The following CSRNP3 variants were observed in gnomAD, a reference collection of about 807,000 sequenced individuals.
The protein encoded by CSRNP3 is cysteine/serine-rich nuclear protein 3.
Under a neutral mutation model 48.0 loss-of-function variants are expected in CSRNP3, and 12 were observed. That is an observed-to-expected ratio of 0.25 (90% CI 0.16 to 0.41). The LOEUF (loss-of-function observed/expected upper bound fraction) is 0.41, where lower values mean the gene tolerates loss of function less well. CSRNP3 is among the 10% of genes least tolerant of loss of function. The probability of loss-of-function intolerance (pLI) is 1.00; values close to 1 mark genes in which losing one functional copy is unlikely to be tolerated. For missense variants in CSRNP3, 580 were observed against 724.4 expected, an observed-to-expected ratio of 0.80 and a Z score of 2.29; for synonymous variants, 263 against 269.7, an observed-to-expected ratio of 0.98 and a Z score of 0.24.
At chr2:165,632,597 A>G (rs1237798954) in intron 4 of CSRNP3, among the ~76,000 whole-genome samples, 1 of 152,206 alleles carries the variant, frequency 6.6e-6, no homozygotes, top group East Asian at 1.9e-4. Flanking sequence ...TTACAGCTTT[A>G]CAGTTACATT....
chr2:165,670,438 G>A (rs1258891474), intron 5 of CSRNP3, among the ~76,000 whole-genome samples: 1 of 152,118 alleles, frequency 6.6e-6, no homozygotes, highest in East Asian at 1.9e-4. Flanking sequence ...AGATTGTTCA[G>A]TACCTGTTAA....
At chr2:165,491,946 A>G (rs1413406191) in intron 1 of CSRNP3, among the ~76,000 whole-genome samples, 1 of 141,030 alleles carries the variant, frequency 7.1e-6, no homozygotes, top group African/African-American at 2.7e-5. Context: ...AACTTAAAGT[A>G]TAATAAAAAA....
At chr2:165,582,871 C>T (rs191264106) in intron 3 of CSRNP3, among the ~76,000 whole-genome samples, 129 of 152,338 alleles carry the variant, frequency 8.5e-4, no homozygotes, top group African/African-American at 2.5e-3. Flanking sequence ...TATAAAGTAA[C>T]TCAGTCCTTT....
At chr2:165,479,982 G>T (rs1036906228) in intron 1 of CSRNP3, among the ~76,000 whole-genome samples, 3 of 151,990 alleles carry the variant, frequency 2.0e-5, no homozygotes, top group African/African-American at 7.2e-5. Flanking sequence ...ACTCTTATCT[G>T]GTCACTCTGG....
At chr2:165,669,050 A>G (rs1573958960) in intron 5 of CSRNP3, among the ~76,000 whole-genome samples, 1 of 152,252 alleles carries the variant, frequency 6.6e-6, no homozygotes, top group East Asian at 1.9e-4. Context: ...GATAATTTAT[A>G]TACAGTATGG....
chr2:165,627,154 C>T (rs924297437), intron 4 of CSRNP3, among the ~76,000 whole-genome samples: 10 of 152,250 alleles, frequency 6.6e-5, no homozygotes, highest in Middle Eastern at 3.4e-3. Flanking sequence ...CTATGGAAAC[C>T]TTGTGGGGAG....
intron 3 of CSRNP3, among the ~76,000 whole-genome samples, chr2:165,558,096 A>G (rs1685183254): frequency 6.6e-6 from 1 of 152,208 alleles, no homozygotes; most frequent in African/African-American, 2.4e-5. Flanking sequence ...GCCACTAACA[A>G]TGTAAAAAGA....
At position 165,651,079 on chromosome 2, in the gene CSRNP3, C is replaced by T. The variant is rs115408460; in HGVS notation, c.149-6682C>T. ...ATGACCAGCTCATTGCTCAAGCATT[C>T]GCTCCAGAGTTGTTGCCCTGTGGTG... On this transcript the variant is annotated intron_variant, in intron 4 of 6. Transcript: ENST00000651982. Among the ~76,000 whole-genome samples, 233 of 152,302 alleles carry T rather than the reference C, an allele frequency of 1.5e-3. 2 individuals are homozygous for T. The highest frequency in any genetic ancestry group is 5.1e-3 in the African/African-American group (214 of 41,566).
chr2:165,544,341 T>A (rs1308947722), intron 3 of CSRNP3, among the ~76,000 whole-genome samples: 1 of 152,100 alleles, frequency 6.6e-6, no homozygotes, highest in East Asian at 1.9e-4. Flanking sequence ...GAAATGGTGA[T>A]TAAGGAGAGT....
chr2:165,664,237 C>T (rs529836354), intron 5 of CSRNP3, among the ~76,000 whole-genome samples: 1 of 152,200 alleles, frequency 6.6e-6, no homozygotes, highest in South Asian at 2.1e-4. Context: ...TTTAGTTTTC[C>T]AGAGACCTTA....
In CSRNP3 at chr2:165,684,693, C is replaced by T. The variant is rs1277826984; in HGVS notation, c.*4940C>T. The T allele has an allele frequency of 6.6e-6, 1 of 152,032 alleles. No homozygotes were observed. The highest frequency in any genetic ancestry group is 2.4e-5 in the African/African-American group (1 of 41,398). The allele number at this position is 152,032 out of a possible 1,614,324, so 9.4% of individuals were successfully genotyped here. A position where few individuals can be genotyped will look rare whatever the true frequency, so the allele number is the denominator to read the frequency against. On this transcript the variant is annotated 3_prime_UTR_variant, in exon 7 of 7. Transcript: ENST00000651982. ...CTGTAGCTCTGCACCAACAGCACAGCTCATCAGATGTTTTCTATAGTAGTA... is the reference window on the plus strand; with the variant it reads ...CTGTAGCTCTGCACCAACAGCACAGTTCATCAGATGTTTTCTATAGTAGTA...
intron 3 of CSRNP3, among the ~76,000 whole-genome samples, chr2:165,550,481 C>A (rs570703670): frequency 1.3e-5 from 2 of 152,224 alleles, no homozygotes; most frequent in South Asian, 4.1e-4. Flanking sequence ...GAGTCATTGT[C>A]TTCCTGGGAC....
At chr2:165,506,719 A>T (rs115084016) in intron 2 of CSRNP3, among the ~76,000 whole-genome samples, 2,401 of 152,224 alleles carry the variant, frequency 0.016, 60 homozygotes, top group African/African-American at 0.054. Context: ...TCCTTGTATG[A>T]AATTTCTTCA....
intron 1 of CSRNP3, among the ~76,000 whole-genome samples, chr2:165,473,193 C>T (rs1273617861): frequency 1.3e-5 from 2 of 152,138 alleles, no homozygotes; most frequent in Admixed American, 6.6e-5. Flanking sequence ...TTTCTACTTA[C>T]TGCTTCATGC....
At chr2:165,536,380 G>C (rs1479539725) in intron 3 of CSRNP3, among the ~76,000 whole-genome samples, 1 of 151,780 alleles carries the variant, frequency 6.6e-6, no homozygotes, top group Non-Finnish European at 1.5e-5. Flanking sequence ...CCTAAGAGTT[G>C]ATCTGACTAA....
intron 4 of CSRNP3, among the ~76,000 whole-genome samples, chr2:165,650,012 A>T (rs1686878866): frequency 6.6e-6 from 1 of 152,150 alleles, no homozygotes; most frequent in Non-Finnish European, 1.5e-5. Flanking sequence ...AAAATAACAG[A>T]TCAGCTTATA....
chr2:165,486,302 A>G (rs372947288), intron 1 of CSRNP3, among the ~76,000 whole-genome samples: 35 of 152,070 alleles, frequency 2.3e-4, no homozygotes, highest in South Asian at 4.2e-4. Context: ...CTACGCCCAC[A>G]GAATCTCGCT....
chr2:165,505,898 C>T (rs4667488), intron 2 of CSRNP3, among the ~76,000 whole-genome samples: 47,464 of 151,918 alleles, frequency 0.31, 8,201 homozygotes, highest in African/African-American at 0.46. Flanking sequence ...TTAATGATTA[C>T]GGTTATATTA....
intron 3 of CSRNP3, among the ~76,000 whole-genome samples, chr2:165,583,430 G>C (rs1158291003): frequency 1.3e-5 from 2 of 152,140 alleles, no homozygotes; most frequent in Non-Finnish European, 2.9e-5. Flanking sequence ...AAAATATTAT[G>C]CATTGTAGTT....
Sources: allele counts gnomAD v4.1 joint callset (sites outside exome capture counted in the v4.1 genomes callset), GRCh38; gene constraint gnomAD v4.1.1; transcripts MANE v1.5; gene names NCBI Gene and HGNC (gene_info 2026-07-23, HGNC 2026-07-21).